The following FAM13A variants were observed in gnomAD, a reference collection of about 807,000 sequenced individuals.
The protein encoded by FAM13A is family with sequence similarity 13 member A, also known as protein FAM13A.
In FAM13A, 76 loss-of-function variants were observed where a neutral mutation model predicts 129.6. The ratio of observed to expected loss-of-function variants is 0.59; its 90% CI spans 0.49 to 0.71. The LOEUF is 0.71. FAM13A is among the 30% of genes least tolerant of loss of function. FAM13A has a pLI of 0.00. For synonymous variants in FAM13A, 443 were observed against 449.9 expected (o/e 0.98, Z 0.20); for missense variants, 1,108 against 1,249.3 (o/e 0.89, Z 1.70).
intron 7 of FAM13A, among the ~76,000 whole-genome samples, chr4:88,842,879 T>C (rs1040875685): frequency 1.3e-5 from 2 of 152,212 alleles, no homozygotes. Context: ...AGCAATTGTA[T>C]TGAAGGGCAG....
rs895101380 is a variant in FAM13A at position 88,739,086 on chromosome 4, C to A, written c.2506G>T (p.Asp836Tyr). The A allele has an allele frequency of 5.6e-6, 9 of 1,613,854 alleles. No individual in the cohort carries two copies. The East Asian group carries it at 2.0e-4, about 36-fold the overall frequency. The change falls in exon 20 of 24, where the codon GAC (aspartate) becomes TAC (tyrosine). Residue 836 changes from aspartate to tyrosine, a missense_variant. Physicochemically the swap from Asp to Tyr is radical, Grantham distance 160 (BLOSUM62 -3). This residue lies in a region of FAM13A where 529 missense variants were observed against 621.2 expected (regional missense o/e 0.85). Transcript: ENST00000264344. ...ATCTGTTTGACCAGCCGGTACCTGT[C>A]GTATAGTGGCTTCATCACCTGCCGT... Reference protein sequence around the residue: ...NERQVMKPLYDRYRLVKQILS... With the variant: ...NERQVMKPLYYRYRLVKQILS...
intron 4 of FAM13A, among the ~76,000 whole-genome samples, chr4:88,960,285 T>C (rs1758397240): frequency 6.6e-6 from 1 of 152,206 alleles, no homozygotes; most frequent in Admixed American, 6.5e-5. Context: ...TATTAAAAAA[T>C]AACACAATTT....
intron 10 of FAM13A, among the ~76,000 whole-genome samples, chr4:88,785,425 T>A (rs537815296): frequency 1.3e-5 from 2 of 152,234 alleles, no homozygotes; most frequent in East Asian, 3.9e-4. Flanking sequence ...ATTTATGACA[T>A]GTTCATGACT....
intron 6 of FAM13A, among the ~76,000 whole-genome samples, chr4:88,890,053 G>A (rs1745085937): frequency 6.6e-6 from 1 of 152,202 alleles, no homozygotes; most frequent in Admixed American, 6.5e-5. Flanking sequence ...TGGCCAAATA[G>A]GAAGGTGAAA....
chr4:88,921,499 G>A (rs1220170679), intron 5 of FAM13A, among the ~76,000 whole-genome samples: 1 of 152,160 alleles, frequency 6.6e-6, no homozygotes, highest in Non-Finnish European at 1.5e-5. Context: ...ACAAGCAAAT[G>A]TTGAGAGATT....
intron 8 of FAM13A, among the ~76,000 whole-genome samples, chr4:88,802,870 C>T (rs751254538): frequency 3.3e-5 from 5 of 152,232 alleles, no homozygotes; most frequent in Non-Finnish European, 5.9e-5. Context: ...ACCCGAGGGC[C>T]GCTATGGGTC....
At chr4:88,737,812 C>T (rs554160047) in intron 20 of FAM13A, among the ~76,000 whole-genome samples, 2 of 152,140 alleles carry the variant, frequency 1.3e-5, no homozygotes, top group Non-Finnish European at 2.9e-5. Flanking sequence ...CCGGCAGACA[C>T]GCAGAAGAAA....
chr4:88,970,040 T>G (rs1338708376), intron 4 of FAM13A, among the ~76,000 whole-genome samples: 1 of 152,198 alleles, frequency 6.6e-6, no homozygotes, highest in Non-Finnish European at 1.5e-5. Context: ...TCACCCTATT[T>G]CAGTCATAAA....
At chr4:88,983,286 T>A (rs1206307219) in intron 4 of FAM13A, among the ~76,000 whole-genome samples, 1 of 151,992 alleles carries the variant, frequency 6.6e-6, no homozygotes, top group African/African-American at 2.4e-5. Context: ...AGAGGAAAAT[T>A]AGAGTTTTAA....
intron 5 of FAM13A, among the ~76,000 whole-genome samples, chr4:88,929,855 G>A (rs1160191664): frequency 6.6e-6 from 1 of 151,928 alleles, no homozygotes; most frequent in Admixed American, 6.6e-5. Context: ...CTCCCACCTT[G>A]GCCTCTTGAA....
intron 13 of FAM13A, among the ~76,000 whole-genome samples, chr4:88,759,930 A>G (rs549251588): frequency 2.0e-5 from 3 of 152,232 alleles, no homozygotes; most frequent in Non-Finnish European, 2.9e-5. Context: ...ACACAATTAT[A>G]AACAAAAGTG....
chr4:88,858,343 G>A (rs951261221), intron 6 of FAM13A, among the ~76,000 whole-genome samples: 7 of 152,160 alleles, frequency 4.6e-5, no homozygotes, highest in Non-Finnish European at 1.0e-4. Context: ...CAGTCAAAAA[G>A]TAATCGTTTA....
At chr4:89,004,193 C>A (rs1188432628) in intron 3 of FAM13A, among the ~76,000 whole-genome samples, 1 of 152,148 alleles carries the variant, frequency 6.6e-6, no homozygotes, top group Non-Finnish European at 1.5e-5. Context: ...GGCTGGAGTG[C>A]AGTGGTGCAA....
At chr4:88,756,582 T>TG (rs1217279239) in intron 14 of FAM13A, among the ~76,000 whole-genome samples, 1 of 152,208 alleles carries the variant, frequency 6.6e-6, no homozygotes, top group Non-Finnish European at 1.5e-5. Context: ...AGGTGGATAC[T>TG]GGTTCAGGAG....
intron 6 of FAM13A, among the ~76,000 whole-genome samples, chr4:88,880,776 TG>T (rs1409652541): frequency 0.045 from 13 of 292 alleles, no homozygotes; most frequent in African/African-American, 0.14. Flanking sequence ...GGTGGTGCGG[TG>T]GGGGGCGGGG....
At chr4:88,994,859 A>C (rs1212769515) in intron 3 of FAM13A, among the ~76,000 whole-genome samples, 1 of 151,346 alleles carries the variant, frequency 6.6e-6, no homozygotes, top group Non-Finnish European at 1.5e-5. Flanking sequence ...AAATTTCCTA[A>C]TAATTACTTT....
intron 6 of FAM13A, among the ~76,000 whole-genome samples, chr4:88,901,452 G>A (rs1021089138): frequency 2.0e-5 from 3 of 152,108 alleles, no homozygotes; most frequent in Non-Finnish European, 4.4e-5. Flanking sequence ...TCAGACCACA[G>A]TGCAATCAAA....
intron 4 of FAM13A, among the ~76,000 whole-genome samples, chr4:88,970,356 A>C (rs987554136): frequency 2.6e-5 from 4 of 152,054 alleles, no homozygotes; most frequent in Non-Finnish European, 5.9e-5. Context: ...ACAAGCACCA[A>C]ATCATTAAAG....
intron 6 of FAM13A, among the ~76,000 whole-genome samples, chr4:88,860,830 G>A (rs1356293060): frequency 6.6e-6 from 1 of 152,180 alleles, no homozygotes; most frequent in Non-Finnish European, 1.5e-5. Flanking sequence ...TGTAAGGCCA[G>A]GAATCAGTGA....
Sources: gnomAD v4.1 joint callset for allele counts (sites outside exome capture counted in the v4.1 genomes callset) on GRCh38, gnomAD v4.1.1 for gene constraint, gnomAD v4.1.1 regional missense constraint, MANE v1.5 for transcripts, NCBI Gene and HGNC (gene_info 2026-07-23, HGNC 2026-07-21) for gene names.